Variants in DPY19L4 observed in about 807,000 individuals in gnomAD.
The protein encoded by DPY19L4 is dpy-19 like 4.
DPY19L4 carries 97 observed loss-of-function variants against 102.8 expected under a neutral mutation model. That is an observed-to-expected ratio of 0.94 (90% CI 0.80 to 1.12). The LOEUF (loss-of-function observed/expected upper bound fraction) is 1.12, where lower values mean the gene tolerates loss of function less well. Among genes scored for constraint, DPY19L4 ranks in the 50% most tolerant of loss-of-function variants. The probability of loss-of-function intolerance (pLI) is 0.00; values close to 1 mark genes in which losing one functional copy is unlikely to be tolerated. For synonymous variants in DPY19L4, 252 were observed against 283.1 expected, an observed-to-expected ratio of 0.89 and a Z score of 1.10; for missense variants, 815 against 850.4, an observed-to-expected ratio of 0.96 and a Z score of 0.52.
Position 94,726,443 on chromosome 8 carries a change from T to C in DPY19L4, c.127+2T>C. 1 of 1,599,920 alleles carries C rather than the reference T, an allele frequency of 6.3e-7. No individual in the cohort carries two copies. Among genetic ancestry groups the C allele is most frequent in the Non-Finnish European group, 8.5e-7 (1 of 1,175,128 alleles). On this transcript the variant is annotated splice_donor_variant, in intron 2 of 18. Coordinates refer to ENST00000414645, the MANE Select transcript of DPY19L4 (RefSeq NM_181787.3). LOFTEE classifies it high-confidence loss of function. Reference sequence around the variant, plus strand: ...CAATTCCTGAAAGAGCTCCAAAACGTAAGTTAGATAGACTTGGAATTTGTG... The same window carrying C: ...CAATTCCTGAAAGAGCTCCAAAACGCAAGTTAGATAGACTTGGAATTTGTG...
intron 14 of DPY19L4, among the ~76,000 whole-genome samples, chr8:94,778,519 C>T (rs564237362): frequency 6.6e-5 from 10 of 152,250 alleles, no homozygotes; most frequent in Non-Finnish European, 1.3e-4. Flanking sequence ...GAATTCGGCC[C>T]TCTGTCCCCT....
intron 6 of DPY19L4, among the ~76,000 whole-genome samples, chr8:94,752,585 C>CAA (rs370640228): frequency 1.4e-3 from 115 of 79,980 alleles, no homozygotes; most frequent in Non-Finnish European, 1.9e-3. Flanking sequence ...GACTCCATCT[C>CAA]AAAAAAAAAA....
At chr8:94,788,119 T>C (rs1043170025) in intron 18 of DPY19L4, 67 bp downstream of exon 18, 16 of 859,868 alleles carry the variant, frequency 1.9e-5, no homozygotes, top group African/African-American at 3.7e-5. Context: ...AAAATGACTT[T>C]AAACTTATAA....
At chr8:94,756,544 T>G (rs963442146) in intron 7 of DPY19L4, among the ~76,000 whole-genome samples, 7 of 151,874 alleles carry the variant, frequency 4.6e-5, no homozygotes, top group African/African-American at 1.7e-4. Flanking sequence ...ATGACAGGAG[T>G]GTTAACTTGA....
intron 8 of DPY19L4, 60 bp downstream of exon 8, chr8:94,761,894 T>A: frequency 6.7e-7 from 1 of 1,498,630 alleles, no homozygotes; most frequent in Non-Finnish European, 8.9e-7. Flanking sequence ...TAGCATTGTA[T>A]CTTAAAACCT....
At chr8:94,779,955 T>G (rs1226955638) in intron 14 of DPY19L4, among the ~76,000 whole-genome samples, 1 of 152,212 alleles carries the variant, frequency 6.6e-6, no homozygotes. Flanking sequence ...TACTGATGTA[T>G]ATTAGCTATT....
chr8:94,731,425 T>A (rs1459938485), intron 2 of DPY19L4, among the ~76,000 whole-genome samples: 1 of 152,174 alleles, frequency 6.6e-6, no homozygotes, highest in Non-Finnish European at 1.5e-5. Context: ...AGAAATTTTA[T>A]TTTATTTTGA....
intron 1 of DPY19L4, among the ~76,000 whole-genome samples, chr8:94,723,598 C>T (rs542921530): frequency 6.6e-6 from 1 of 152,050 alleles, no homozygotes; most frequent in African/African-American, 2.4e-5. Flanking sequence ...AGATGTGTGA[C>T]TTTGTTTTTC....
intron 1 of DPY19L4, among the ~76,000 whole-genome samples, chr8:94,724,821 C>T (rs778188304): frequency 6.6e-6 from 1 of 152,216 alleles, no homozygotes; most frequent in Non-Finnish European, 1.5e-5. Context: ...CTCCTGACTT[C>T]AGGTGATCCA....
chr8:94,755,957 G>C, intron 6 of DPY19L4, 79 bp from the exon 7 acceptor site: 1 of 1,394,276 alleles, frequency 7.2e-7, no homozygotes, highest in Non-Finnish European at 9.8e-7. Context: ...AATGAGATTT[G>C]TGTTAAAGTA....
At chr8:94,770,681 T>C in intron 13 of DPY19L4, 110 bp downstream of exon 13, 1 of 1,391,420 alleles carries the variant, frequency 7.2e-7, no homozygotes, top group Non-Finnish European at 9.9e-7. Flanking sequence ...GTGGCTCACC[T>C]GAGTTCAGGA....
Position 94,773,041 on chromosome 8 carries a change from G to A in DPY19L4, c.1454+2470G>A, listed in dbSNP as rs147877516. Among the ~76,000 whole-genome samples, 1,226 of 151,860 alleles carry A rather than the reference G, an allele frequency of 8.1e-3. 18 individuals carry two copies. The highest frequency in any genetic ancestry group is 0.027 in the African/African-American group (1,103 of 41,434). Reference sequence around the variant, plus strand: ...AGCCTGGCCAACATGGTGAAACCCCGTCTTTATTAAAAATACAAAAAAATT... The same window carrying A: ...AGCCTGGCCAACATGGTGAAACCCCATCTTTATTAAAAATACAAAAAAATT... On this transcript the variant is annotated intron_variant, in intron 13 of 18. Coordinates refer to ENST00000414645, the MANE Select transcript of DPY19L4 (RefSeq NM_181787.3).
chr8:94,735,511 A>G (rs1174111546), intron 3 of DPY19L4, among the ~76,000 whole-genome samples: 2 of 152,224 alleles, frequency 1.3e-5, no homozygotes, highest in Non-Finnish European at 2.9e-5. Flanking sequence ...TGCAGTTCTC[A>G]ACAATGGATA....
At chr8:94,771,000 C>T (rs1052740262) in intron 13 of DPY19L4, among the ~76,000 whole-genome samples, 5 of 151,762 alleles carry the variant, frequency 3.3e-5, no homozygotes, top group South Asian at 2.1e-4. Context: ...CTTCAACCTC[C>T]GCCTCCCAGG....
intron 1 of DPY19L4, among the ~76,000 whole-genome samples, chr8:94,726,097 A>G (rs1810676326): frequency 6.6e-6 from 1 of 152,202 alleles, no homozygotes; most frequent in Non-Finnish European, 1.5e-5. Flanking sequence ...AGAAGAGCAC[A>G]TTGGTTTACT....
Position 94,764,689 on chromosome 8 carries a change from GTATATATATATATA to G in DPY19L4, c.871-478_871-465del, listed in dbSNP as rs1189470959. Among the ~76,000 whole-genome samples, 27 of 43,210 alleles carry G rather than the reference GTATATATATATATA, an allele frequency of 6.2e-4. 1 individual carries two copies. The highest frequency in any genetic ancestry group is 4.6e-4 in the African/African-American group (4 of 8,770). 28.3% of individuals were successfully genotyped at this position (43,210 alleles called of 152,430 possible). On this transcript the variant is annotated intron_variant, in intron 8 of 18. Transcript: ENST00000414645. ...TGCGTGTGTGTGTGTGTCTGTGTGT[GTATATATATATATA>G]TATATATATATATATTTTTTTTTTT...
intron 17 of DPY19L4, among the ~76,000 whole-genome samples, chr8:94,786,433 A>G (rs1286877533): frequency 6.6e-6 from 1 of 151,088 alleles, no homozygotes; most frequent in Non-Finnish European, 1.5e-5. Flanking sequence ...CCATTTATTT[A>G]TTTATTTATT....
Position 94,768,445 on chromosome 8 carries a change from C to G in DPY19L4, c.1226C>G (p.Ser409Cys). 1 of 1,609,866 alleles carries G rather than the reference C, an allele frequency of 6.2e-7. No homozygotes were observed. The highest frequency in any genetic ancestry group is 8.5e-7 in the Non-Finnish European group (1 of 1,178,706). Reference sequence around the variant, plus strand: ...TGTCAAGAATCCCTGCAGGCACCATCTCAAGATTTTTTTCTGCGATTGACA... The same window carrying G: ...TGTCAAGAATCCCTGCAGGCACCATGTCAAGATTTTTTTCTGCGATTGACA... ...LLCQESLQAP[S>C]QDFFLRLTQS... Residue 409 changes from serine (S) to cysteine (C), a missense_variant, in exon 12 of 19, where the codon TCT (serine) becomes TGT (cysteine). Transcript: ENST00000414645.
Position 94,733,786 on chromosome 8 carries a change from C to T in DPY19L4, c.128-844C>T, listed in dbSNP as rs755110318. ...CGAACTCCTGACTTCAGGTGATCCA[C>T]CCACCTCGGCCTCCCAAAGTGGCGG... On this transcript the variant is annotated intron_variant, in intron 2 of 18. Coordinates refer to ENST00000414645, the MANE Select transcript of DPY19L4 (RefSeq NM_181787.3). Among the ~76,000 whole-genome samples the T allele has an allele frequency of 3.6e-4, 54 of 152,094 alleles. 1 individual carries two copies. Among genetic ancestry groups the T allele is most frequent in the African/African-American group, 1.2e-4 (5 of 41,416 alleles).
Sources: gnomAD v4.1 joint callset for allele counts (sites outside exome capture counted in the v4.1 genomes callset) on GRCh38, gnomAD v4.1.1 for gene constraint, MANE v1.5 for transcripts, NCBI Gene and HGNC (gene_info 2026-07-23, HGNC 2026-07-21) for gene names.